The following ARID5B variants were observed in gnomAD, a reference collection of about 807,000 sequenced individuals.
The protein encoded by ARID5B is AT-rich interactive domain-containing protein 5B.
ARID5B carries 13 observed loss-of-function variants against 97.2 expected under a neutral mutation model. The observed-to-expected ratio is 0.13, with a 90% CI of 0.09 to 0.21. The LOEUF is 0.21. Ranked by LOEUF, ARID5B falls within the 10% of genes least tolerant of loss-of-function variation. The pLI, the probability that ARID5B is intolerant of heterozygous loss-of-function variation, is 1.00. For synonymous variants in ARID5B, 556 were observed against 570.3 expected, an observed-to-expected ratio of 0.97 and a Z score of 0.36; for missense variants, 1,210 against 1,465.3, an observed-to-expected ratio of 0.83 and a Z score of 2.84.
intron 4 of ARID5B, among the ~76,000 whole-genome samples, chr10:62,006,504 C>G (rs1839148979): frequency 6.6e-6 from 1 of 152,172 alleles, no homozygotes; most frequent in African/African-American, 2.4e-5. Flanking sequence ...TTGGCACTTT[C>G]TCCTTGTTGC....
In ARID5B at chr10:62,093,088, C is replaced by A. The variant is rs1840410374; in HGVS notation, c.*58C>A. On this transcript the variant is annotated 3_prime_UTR_variant, in exon 10 of 10. Coordinates refer to ENST00000279873, the MANE Select transcript of ARID5B (RefSeq NM_032199.3). ...GGCCAACAGAGCTTCACTCCTTACC[C>A]AGGAGTGCTGGCTTATAGAGTTAGA... 6.5e-7 allele frequency: 1 copy of A among 1,539,094 alleles called. No homozygotes were observed. The highest frequency in any genetic ancestry group is 2.0e-5 in the Admixed American group (1 of 50,880).
At chr10:61,917,564 A>G (rs1286351786) in intron 2 of ARID5B, among the ~76,000 whole-genome samples, 2 of 152,158 alleles carry the variant, frequency 1.3e-5, no homozygotes, top group Non-Finnish European at 2.9e-5. Context: ...ACCTGGCCCA[A>G]TCCAATTTTT....
Position 62,093,510 on chromosome 10 carries a change from A to C in ARID5B, c.*480A>C, listed in dbSNP as rs1193143399. On this transcript the variant is annotated 3_prime_UTR_variant, in exon 10 of 10. Coordinates refer to ENST00000279873, the MANE Select transcript of ARID5B (RefSeq NM_032199.3). Reference sequence around the variant, plus strand: ...ATAGTGAAACTTCAATAGATCTTTCATTTTGACACTATTAAACAATCCAGA... The same window carrying C: ...ATAGTGAAACTTCAATAGATCTTTCCTTTTGACACTATTAAACAATCCAGA... 4.2e-6 allele frequency: 1 copy of C among 237,688 alleles called. No individual in the cohort carries two copies. Among genetic ancestry groups the C allele is most frequent in the Non-Finnish European group, 8.3e-6 (1 of 121,072 alleles). 14.7% of individuals were successfully genotyped at this position (237,688 alleles called of 1,614,324 possible).
At chr10:62,090,496 A>G (rs1840353379) in intron 9 of ARID5B, among the ~76,000 whole-genome samples, 1 of 152,244 alleles carries the variant, frequency 6.6e-6, no homozygotes, top group African/African-American at 2.4e-5. Flanking sequence ...CATAAAACAC[A>G]ACATGTAATT....
At chr10:61,965,563 A>G (rs1034921065) in intron 3 of ARID5B, among the ~76,000 whole-genome samples, 1 of 152,210 alleles carries the variant, frequency 6.6e-6, no homozygotes, top group African/African-American at 2.4e-5. Flanking sequence ...TATAGTTATG[A>G]TATGTCCCTC....
Position 61,983,867 on chromosome 10 carries a change from C to CTTTTTTTTTTTTTTTTT in ARID5B, c.503-16209_503-16193dup, listed in dbSNP as rs1164342402. Among the ~76,000 whole-genome samples, 40 of 27,590 alleles carry CTTTTTTTTTTTTTTTTT rather than the reference C, an allele frequency of 1.4e-3. 14 individuals are homozygous for CTTTTTTTTTTTTTTTTT. The highest frequency in any genetic ancestry group is 6.2e-3 in the African/African-American group (39 of 6,322). The allele number at this position is 27,590 out of a possible 152,430, so 18.1% of individuals were successfully genotyped here. The stretch of plus-strand genomic sequence containing the variant: ...TATATTTTTTAAACCCCCTTTTGTT[C>CTTTTTTTTTTTTTTTTT]TTTTTTTTTTTTTTTTTTTTTTTTT... On this transcript the variant is annotated intron_variant, in intron 3 of 9. Coordinates refer to ENST00000279873, the MANE Select transcript of ARID5B (RefSeq NM_032199.3).
At chr10:62,032,626 A>T (rs999778707) in intron 4 of ARID5B, among the ~76,000 whole-genome samples, 5 of 152,090 alleles carry the variant, frequency 3.3e-5, no homozygotes, top group Admixed American at 3.3e-4. Context: ...GAGGCAGGAG[A>T]ATCGCTTGAA....
chr10:61,956,191 A>G (rs1277882902), intron 3 of ARID5B, among the ~76,000 whole-genome samples: 1 of 152,206 alleles, frequency 6.6e-6, no homozygotes, highest in Admixed American at 6.5e-5. Context: ...CTGCCTGAAC[A>G]TTACTGCCTG....
intron 7 of ARID5B, among the ~76,000 whole-genome samples, chr10:62,064,308 G>A (rs1554849032): frequency 6.6e-6 from 1 of 152,202 alleles, no homozygotes; most frequent in Non-Finnish European, 1.5e-5. Context: ...ACCAGGAAAA[G>A]AAAGTCATCT....
At chr10:61,959,458 A>C (rs1798528132) in intron 3 of ARID5B, among the ~76,000 whole-genome samples, 1 of 152,176 alleles carries the variant, frequency 6.6e-6, no homozygotes, top group Non-Finnish European at 1.5e-5. Flanking sequence ...ACCTTCAAAA[A>C]AACCTATAAA....
intron 2 of ARID5B, among the ~76,000 whole-genome samples, chr10:61,932,869 G>A (rs1205019666): frequency 6.6e-6 from 1 of 152,166 alleles, no homozygotes; most frequent in African/African-American, 2.4e-5. Context: ...GATGAGGAAA[G>A]AGGATTGCTT....
intron 3 of ARID5B, among the ~76,000 whole-genome samples, chr10:61,965,462 C>T (rs1283817930): frequency 3.9e-5 from 6 of 152,052 alleles, no homozygotes; most frequent in African/African-American, 1.2e-4. Context: ...ACCCTCCACC[C>T]ACCCCAGCCA....
At chr10:62,058,966 G>A (rs570152750) in intron 6 of ARID5B, among the ~76,000 whole-genome samples, 1 of 152,248 alleles carries the variant, frequency 6.6e-6, no homozygotes, top group African/African-American at 2.4e-5. Flanking sequence ...CTCTTGCTCT[G>A]CTGATGACAG....
chr10:61,980,333 T>C (rs1468865525), intron 3 of ARID5B, among the ~76,000 whole-genome samples: 2 of 152,194 alleles, frequency 1.3e-5, no homozygotes, highest in African/African-American at 4.8e-5. Context: ...TCTTTGCCCA[T>C]GGTTACAAAT....
chr10:61,917,768 G>C (rs761503405), intron 2 of ARID5B, among the ~76,000 whole-genome samples: 2 of 152,196 alleles, frequency 1.3e-5, no homozygotes, highest in African/African-American at 2.4e-5. Flanking sequence ...GGGGTGGGGA[G>C]AGCCACGTGG....
intron 2 of ARID5B, among the ~76,000 whole-genome samples, chr10:61,929,532 G>A (rs77475966): frequency 0.039 from 6,004 of 152,134 alleles, 402 homozygotes; most frequent in African/African-American, 0.14. Flanking sequence ...ACAGAGACTC[G>A]TATATTATAG....
In ARID5B at chr10:62,091,026, C is replaced by G. The variant is rs1269895188; in HGVS notation, c.1563C>G (p.Asp521Glu). 6.2e-7 allele frequency: 1 copy of G among 1,614,128 alleles called. No individual in the cohort carries two copies. Among genetic ancestry groups the G allele is most frequent in the African/African-American group, 1.3e-5 (1 of 75,044 alleles). The change falls in exon 10 of 10, where the codon GAC becomes GAG. Residue 521 changes from aspartate to glutamate, a missense_variant. Transcript: ENST00000279873. ...ACCCAGAGAAGGACAACGAAACAGA[C>G]CAAGGTTCCAACAGTGAGAAGGTGG... ...RVDPEKDNET[D>E]QGSNSEKVAE...
chr10:62,078,347 C>T (rs972840109), intron 8 of ARID5B, among the ~76,000 whole-genome samples: 1 of 152,106 alleles, frequency 6.6e-6, no homozygotes, highest in Non-Finnish European at 1.5e-5. Flanking sequence ...AAAATAGCCA[C>T]GTGCAGTGAC....
At chr10:61,991,200 C>A (rs1388917313) in intron 3 of ARID5B, among the ~76,000 whole-genome samples, 2 of 152,074 alleles carry the variant, frequency 1.3e-5, no homozygotes. Context: ...GTTTTTAATT[C>A]TTTGGAGTAT....
Sources: gnomAD v4.1 joint callset for allele counts (sites outside exome capture counted in the v4.1 genomes callset) on GRCh38, gnomAD v4.1.1 for gene constraint, MANE v1.5 for transcripts, NCBI Gene and HGNC (gene_info 2026-07-23, HGNC 2026-07-21) for gene names.